The following MITF variants were observed in gnomAD, a reference collection of about 807,000 sequenced individuals.
The protein encoded by MITF is microphthalmia-associated transcription factor.
MITF carries 17 observed loss-of-function variants against 60.5 expected under a neutral mutation model. The ratio of observed to expected loss-of-function variants is 0.28; its 90% CI spans 0.19 to 0.42. The LOEUF is 0.42. MITF is among the 10% of genes least tolerant of loss of function. MITF has a pLI of 1.00. For missense variants in MITF, 622 were observed against 683.5 expected (o/e 0.91, Z 1.00); for synonymous variants, 260 against 248.5 (o/e 1.05, Z -0.43).
intron 1 of MITF, among the ~76,000 whole-genome samples, chr3:69,825,128 TA>T (rs1167820192): frequency 6.6e-6 from 1 of 152,208 alleles, no homozygotes; most frequent in African/African-American, 2.4e-5. Context: ...GAAAGTTTAA[TA>T]GATGAAATGA....
chr3:69,884,189 C>A (rs902427563), intron 2 of MITF, among the ~76,000 whole-genome samples: 9 of 152,120 alleles, frequency 5.9e-5, no homozygotes, highest in Admixed American at 2.0e-4. Flanking sequence ...CAATATGAAT[C>A]TCACCCTGCC....
At chr3:69,919,224 G>C (rs1294860052) in intron 2 of MITF, among the ~76,000 whole-genome samples, 1 of 152,162 alleles carries the variant, frequency 6.6e-6, no homozygotes, top group African/African-American at 2.4e-5. Context: ...GAAACCACTT[G>C]CCATTTTGCT....
chr3:69,910,166 G>A (rs1202386258), intron 2 of MITF, among the ~76,000 whole-genome samples: 4 of 152,234 alleles, frequency 2.6e-5, no homozygotes, highest in South Asian at 2.1e-4. Flanking sequence ...TAGAGCTTGG[G>A]CTATGGCTTC....
In MITF at chr3:69,879,989, A is replaced by T. The variant is rs1206634585; in HGVS notation, c.354+606A>T. Among the ~76,000 whole-genome samples, 5 of 152,202 alleles carry T rather than the reference A, an allele frequency of 3.3e-5. No homozygotes were observed. In the East Asian group the frequency reaches 9.6e-4, roughly 29 times the overall value. ...GGGACATATAGCTTCCTAATTACTA[A>T]GGAAAATTGTAACAAGTCTAAGAAT... On this transcript the variant is annotated intron_variant, in intron 2 of 9. Coordinates refer to ENST00000352241, the MANE Select transcript of MITF (RefSeq NM_001354604.2).
chr3:69,853,106 C>G lies in MITF; in HGVS notation c.105-26028C>G, dbSNP rs556086623. 2.0e-5 allele frequency among the ~76,000 whole-genome samples: 3 copies of G among 151,878 alleles called. No individual in the cohort carries two copies. The East Asian group carries it at 5.8e-4, about 29-fold the overall frequency. On this transcript the variant is annotated intron_variant, in intron 1 of 9. Coordinates refer to ENST00000352241, the MANE Select transcript of MITF (RefSeq NM_001354604.2). Reference sequence around the variant, plus strand: ...TGTGACCATAGTTGCCTGAAAACAGCAAAATCGTGCTTTAGGAAGTGTTAT... The same window carrying G: ...TGTGACCATAGTTGCCTGAAAACAGGAAAATCGTGCTTTAGGAAGTGTTAT...
intron 1 of MITF, among the ~76,000 whole-genome samples, chr3:69,743,883 A>T (rs1703627565): frequency 6.6e-6 from 1 of 152,208 alleles, no homozygotes; most frequent in African/African-American, 2.4e-5. Flanking sequence ...TCAGGCTCAT[A>T]GTCCTTTTGT....
In MITF at chr3:69,745,545, A is replaced by G. The variant is rs887332260; in HGVS notation, c.104+5844A>G. Among the ~76,000 whole-genome samples the G allele has an allele frequency of 3.9e-5, 6 of 152,358 alleles. No homozygotes were observed. In the South Asian group the frequency reaches 8.3e-4, roughly 21 times the overall value. ...AAACAATAGTCAAATGTGTTTCTCT[A>G]CACTAAGTAAAATGTTAGACATCTT... On this transcript the variant is annotated intron_variant, in intron 1 of 9. Coordinates refer to ENST00000352241, the MANE Select transcript of MITF (RefSeq NM_001354604.2).
At chr3:69,870,971 G>A (rs2107246394) in intron 1 of MITF, among the ~76,000 whole-genome samples, 1 of 152,262 alleles carries the variant, frequency 6.6e-6, no homozygotes, top group South Asian at 2.1e-4. Context: ...TAGTATCCCA[G>A]GGTACATCAA....
chr3:69,870,617 T>C lies in MITF; in HGVS notation c.105-8517T>C, dbSNP rs182114898. Among the ~76,000 whole-genome samples, 7 of 151,986 alleles carry C rather than the reference T, an allele frequency of 4.6e-5. No homozygotes were observed. In the East Asian group the frequency reaches 1.4e-3, roughly 30 times the overall value. The stretch of plus-strand genomic sequence containing the variant: ...GCCTAGCTAAATTTTGTATTGTTAG[T>C]AGAGACGGGGTTTCACCATGTTGGC... On this transcript the variant is annotated intron_variant, in intron 1 of 9. Transcript: ENST00000352241.
At chr3:69,900,069 G>T (rs1204281187) in intron 2 of MITF, among the ~76,000 whole-genome samples, 1 of 152,134 alleles carries the variant, frequency 6.6e-6, no homozygotes, top group Non-Finnish European at 1.5e-5. Context: ...ATTCAAAGAA[G>T]TCTTTGCATA....
intron 2 of MITF, among the ~76,000 whole-genome samples, chr3:69,912,547 A>G (rs1289824413): frequency 6.6e-6 from 1 of 152,198 alleles, no homozygotes; most frequent in Non-Finnish European, 1.5e-5. Flanking sequence ...ATTTTCCCTC[A>G]TACTATCATA....
At chr3:69,957,664 G>C (rs2066432897) in intron 8 of MITF, among the ~76,000 whole-genome samples, 1 of 152,096 alleles carries the variant, frequency 6.6e-6, no homozygotes, top group South Asian at 2.1e-4. Flanking sequence ...TTCTTTATCA[G>C]CTTTCACTTT....
At chr3:69,921,384 C>T (rs1287883357) in intron 2 of MITF, among the ~76,000 whole-genome samples, 1 of 152,206 alleles carries the variant, frequency 6.6e-6, no homozygotes, top group Non-Finnish European at 1.5e-5. Context: ...CGGAATGACT[C>T]AGAAACACCA....
Position 69,967,532 on chromosome 3 carries a change from T to A in MITF, c.*2284T>A. On this transcript the variant is annotated 3_prime_UTR_variant, in exon 10 of 10. Transcript: ENST00000352241. Reference sequence around the variant, plus strand: ...TACGGCCACGGGAACAGGACCATGGTTAAGCAACCATATAGAAAGCTTTGT... The same window carrying A: ...TACGGCCACGGGAACAGGACCATGGATAAGCAACCATATAGAAAGCTTTGT... 4.3e-6 allele frequency: 1 copy of A among 233,616 alleles called. No homozygotes were observed. The highest frequency in any genetic ancestry group is 8.5e-6 in the Non-Finnish European group (1 of 117,928). 14.5% of individuals were successfully genotyped at this position (233,616 alleles called of 1,614,324 possible).
chr3:69,811,116 C>G (rs1189740397), intron 1 of MITF, among the ~76,000 whole-genome samples: 1 of 152,134 alleles, frequency 6.6e-6, no homozygotes, highest in East Asian at 1.9e-4. Context: ...TACTGAAATA[C>G]CAGCGTTGGG....
intron 6 of MITF, among the ~76,000 whole-genome samples, 154 bp downstream of exon 6, chr3:69,949,322 A>G (rs1015912315): frequency 2.6e-5 from 4 of 152,184 alleles, no homozygotes; most frequent in African/African-American, 7.2e-5. Flanking sequence ...CAATATTTTA[A>G]GACGGAGAAT....
intron 1 of MITF, among the ~76,000 whole-genome samples, chr3:69,750,038 A>G (rs1461058782): frequency 6.6e-6 from 1 of 152,186 alleles, no homozygotes; most frequent in African/African-American, 2.4e-5. Context: ...ACTAAAGTGC[A>G]TGATGTAACG....
chr3:69,781,356 A>T (rs1490568541), intron 1 of MITF, among the ~76,000 whole-genome samples: 1 of 152,160 alleles, frequency 6.6e-6, no homozygotes, highest in Non-Finnish European at 1.5e-5. Context: ...ATTAGCCTGA[A>T]TACATGCAAC....
At chr3:69,919,560 T>C (rs542368602) in intron 2 of MITF, among the ~76,000 whole-genome samples, 33 of 152,360 alleles carry the variant, frequency 2.2e-4, no homozygotes, top group African/African-American at 7.2e-4. Context: ...CTAAAAACTA[T>C]ACTTTTTCCT....
Sources: allele counts gnomAD v4.1 joint callset (sites outside exome capture counted in the v4.1 genomes callset), GRCh38; gene constraint gnomAD v4.1.1; transcripts MANE v1.5; gene names NCBI Gene and HGNC (gene_info 2026-07-23, HGNC 2026-07-21).